The following ZNF827 variants were observed in gnomAD, a reference collection of about 807,000 sequenced individuals.
ZNF827 encodes the protein zinc finger protein 827.
ZNF827 carries 13 observed loss-of-function variants against 102.4 expected under a neutral mutation model. That is an observed-to-expected ratio of 0.13 (90% CI 0.08 to 0.20). The LOEUF (loss-of-function observed/expected upper bound fraction) is 0.20. Ranked by LOEUF, ZNF827 falls within the 10% of genes least tolerant of loss-of-function variation. ZNF827 has a pLI of 1.00. For synonymous variants in ZNF827, 523 were observed against 536.2 expected (o/e 0.98, Z 0.34); for missense variants, 1,103 against 1,344.4 (o/e 0.82, Z 2.81).
At chr4:145,843,322 G>A (rs1461210063) in intron 7 of ZNF827, among the ~76,000 whole-genome samples, 1 of 152,008 alleles carries the variant, frequency 6.6e-6, no homozygotes, top group Non-Finnish European at 1.5e-5. Context: ...GAGCTCACAG[G>A]AAGAACCTCT....
intron 1 of ZNF827, among the ~76,000 whole-genome samples, chr4:145,925,279 C>T (rs761517832): frequency 1.3e-5 from 2 of 152,204 alleles, no homozygotes; most frequent in Non-Finnish European, 2.9e-5. Flanking sequence ...ACCATATCAG[C>T]TAATGACATT....
intron 1 of ZNF827, among the ~76,000 whole-genome samples, chr4:145,917,048 G>A (rs1227422502): frequency 6.6e-6 from 1 of 152,020 alleles, no homozygotes; most frequent in Non-Finnish European, 1.5e-5. Context: ...AAGTTTCTTA[G>A]TTTACCACTA....
At position 145,760,733 on chromosome 4, in the gene ZNF827, T is replaced by TTTTGTG; in HGVS notation, c.*882_*883insCACAAA. The TTTTGTG allele has an allele frequency of 3.0e-6, 3 of 1,007,052 alleles. No homozygotes were observed. Among genetic ancestry groups the TTTTGTG allele is most frequent in the Non-Finnish European group, 3.6e-6 (3 of 834,388 alleles). 62.4% of individuals were successfully genotyped at this position (1,007,052 alleles called of 1,614,324 possible). A position where few individuals can be genotyped will look rare whatever the true frequency, so the allele number is the denominator to read the frequency against. ...TTAAGTTTTGTGGTTTTTTTTTTTT[T>TTTTGTG]TTTTGTCTTTTGTCTCTCTGTTTTT... On this transcript the variant is annotated 3_prime_UTR_variant, in exon 15 of 15. Transcript: ENST00000508784.
Position 145,902,820 on chromosome 4 carries a change from G to A in ZNF827, c.439C>T (p.Pro147Ser). The A allele has an allele frequency of 6.2e-7, 1 of 1,614,140 alleles. No individual in the cohort carries two copies. The highest frequency in any genetic ancestry group is 8.5e-7 in the Non-Finnish European group (1 of 1,180,014). Residue 147 changes from proline (P) to serine (S), a missense_variant, in exon 2 of 15, where the codon CCC becomes TCC. Coordinates refer to ENST00000508784, the MANE Select transcript of ZNF827 (RefSeq NM_001306215.2). The surrounding 1 kb of genome is among the most constrained non-coding windows in gnomAD (Gnocchi z 4.3). ...AATANGRVESPVNVGSNLSFS... is the reference protein window; with the variant it reads ...AATANGRVESSVNVGSNLSFS... Reference sequence around the variant, plus strand: ...GAGAGGTTCGAGCCAACGTTTACGGGGGACTCCACTCTGCCATTAGCCGTG... The same window carrying A: ...GAGAGGTTCGAGCCAACGTTTACGGAGGACTCCACTCTGCCATTAGCCGTG...
chr4:145,922,220 T>C (rs1355059524), intron 1 of ZNF827, among the ~76,000 whole-genome samples: 2 of 152,206 alleles, frequency 1.3e-5, no homozygotes, highest in Non-Finnish European at 2.9e-5. Flanking sequence ...TCCATTACTA[T>C]GTAGACAACT....
intron 1 of ZNF827, chr4:145,907,121 T>C: frequency 2.2e-6 from 1 of 456,640 alleles, no homozygotes; most frequent in East Asian, 6.9e-5. Flanking sequence ...AATGAGGATG[T>C]GCAGAGGGTG....
At chr4:145,891,944 A>G (rs191844077) in intron 3 of ZNF827, among the ~76,000 whole-genome samples, 3 of 152,232 alleles carry the variant, frequency 2.0e-5, no homozygotes, top group African/African-American at 7.2e-5. Context: ...GAGTGCCCCA[A>G]GAAATGCGTC....
chr4:145,858,931 T>C (rs541393394), intron 5 of ZNF827, among the ~76,000 whole-genome samples: 21 of 152,214 alleles, frequency 1.4e-4, no homozygotes, highest in Non-Finnish European at 2.6e-4. Context: ...TTTTCTTATG[T>C]GGTGCTACAT....
At chr4:145,885,079 C>T (rs979280146) in intron 4 of ZNF827, among the ~76,000 whole-genome samples, 2 of 151,642 alleles carry the variant, frequency 1.3e-5, no homozygotes, top group Non-Finnish European at 2.9e-5. Flanking sequence ...AACTGTGCAC[C>T]TAAAATGGTT....
At chr4:145,786,043 C>T (rs551309412) in intron 8 of ZNF827, among the ~76,000 whole-genome samples, 1 of 152,274 alleles carries the variant, frequency 6.6e-6, no homozygotes, top group South Asian at 2.1e-4. Flanking sequence ...CCAATCCTCT[C>T]TGAGGTAAAC....
chr4:145,830,228 T>A (rs1369053234), intron 7 of ZNF827, among the ~76,000 whole-genome samples: 1 of 152,056 alleles, frequency 6.6e-6, no homozygotes, highest in Non-Finnish European at 1.5e-5. Flanking sequence ...AAACTAGAGC[T>A]TGCTAATAAT....
intron 4 of ZNF827, among the ~76,000 whole-genome samples, chr4:145,878,597 C>CAGGAAAGGAAAGGAAAGGAAAGGAA: frequency 9.0e-6 from 1 of 111,248 alleles, no homozygotes; most frequent in East Asian, 2.7e-4. Context: ...CAGGACAGGA[C>CAGGAAAGGAAAGGAAAGGAAAGGAA]AGGACAGGAA....
intron 1 of ZNF827, among the ~76,000 whole-genome samples, chr4:145,921,844 A>C (rs1219901905): frequency 6.6e-6 from 1 of 152,232 alleles, no homozygotes; most frequent in East Asian, 1.9e-4. Context: ...CAAGGCACTC[A>C]CTGGAGTTCT....
At chr4:145,777,013 C>A (rs1342941005) in intron 9 of ZNF827, among the ~76,000 whole-genome samples, 1 of 152,164 alleles carries the variant, frequency 6.6e-6, no homozygotes, top group Non-Finnish European at 1.5e-5. Context: ...AAGAACAACT[C>A]CAGTGTTCTA....
intron 8 of ZNF827, among the ~76,000 whole-genome samples, chr4:145,820,741 G>A (rs1743062275): frequency 6.6e-6 from 1 of 152,180 alleles, no homozygotes; most frequent in African/African-American, 2.4e-5. Context: ...TAGAACTAGA[G>A]GATCCCAGCT....
chr4:145,829,348 G>A lies in ZNF827; in HGVS notation c.2280-5823C>T, dbSNP rs147653796. ...TCTGGCAAATCATCCTAAAGTGACA[G>A]TCTGACTTCTATCTGCACAGAGACA... On this transcript the variant is annotated intron_variant, in intron 7 of 14. Coordinates refer to ENST00000508784, the MANE Select transcript of ZNF827 (RefSeq NM_001306215.2). 7.6e-3 allele frequency among the ~76,000 whole-genome samples: 1,163 copies of A among 152,170 alleles called. 8 individuals carry two copies. The highest frequency in any genetic ancestry group is 0.026 in the African/African-American group (1,090 of 41,538).
intron 4 of ZNF827, 56 bp downstream of exon 4, chr4:145,885,604 CAGAGACAGAGAGAGAGAG>C: frequency 7.0e-7 from 1 of 1,425,648 alleles, no homozygotes; most frequent in Non-Finnish European, 9.1e-7. Context: ...TACTGGTAGA[CAGAGACAGAGAGAGAGAG>C]AGAGAGAGAG....
chr4:145,886,937 G>T (rs575843488), intron 3 of ZNF827, among the ~76,000 whole-genome samples: 1 of 152,336 alleles, frequency 6.6e-6, no homozygotes, highest in East Asian at 1.9e-4. Flanking sequence ...TTTTCTTCCT[G>T]TCACTACCAA....
chr4:145,934,667 G>A lies in ZNF827; in HGVS notation c.43+3698C>T, dbSNP rs150725159. Among the ~76,000 whole-genome samples, 4 of 152,318 alleles carry A rather than the reference G, an allele frequency of 2.6e-5. No homozygotes were observed. The East Asian group carries it at 5.8e-4, about 22-fold the overall frequency. On this transcript the variant is annotated intron_variant, in intron 1 of 14. Coordinates refer to ENST00000508784, the MANE Select transcript of ZNF827 (RefSeq NM_001306215.2). ...AATCCACTCCAGGGTGGAACTTCCAGGTTCCCTGGTGTCTGTGCTGTGTAG... is the reference window on the plus strand; with the variant it reads ...AATCCACTCCAGGGTGGAACTTCCAAGTTCCCTGGTGTCTGTGCTGTGTAG...
Sources: gnomAD v4.1 joint callset for allele counts (sites outside exome capture counted in the v4.1 genomes callset) on GRCh38, gnomAD v4.1.1 for gene constraint, Gnocchi (gnomAD v3.1) non-coding constraint, MANE v1.5 for transcripts, NCBI Gene and HGNC (gene_info 2026-07-23, HGNC 2026-07-21) for gene names.